NXPE4: variants seen among roughly 807,000 people sequenced by gnomAD.
NXPE4 encodes neurexophilin and PC-esterase domain family member 4, also known as NXPE family member 4.
Under a neutral mutation model 33.3 loss-of-function variants are expected in NXPE4, and 42 were observed. The ratio of observed to expected loss-of-function variants is 1.26; its 90% CI spans 0.98 to 1.63. The LOEUF is 1.63. Ranked by LOEUF, NXPE4 falls within the 40% of genes most tolerant of loss-of-function variation. The pLI, the probability that NXPE4 is intolerant of heterozygous loss-of-function variation, is 0.00. For missense variants in NXPE4, 709 were observed against 647.6 expected (o/e 1.09, Z -1.03); for synonymous variants, 253 against 234.9 (o/e 1.08, Z -0.71).
the NXPE4 span, among the ~76,000 whole-genome samples, chr11:114,664,484 G>A: frequency 1.3e-5 from 2 of 152,080 alleles, no homozygotes; most frequent in South Asian, 2.1e-4. Flanking sequence ...CACGTAAATT[G>A]CACCTCAATA....
At chr11:114,638,182 T>G in the NXPE4 span, among the ~76,000 whole-genome samples, 1 of 151,994 alleles carries the variant, frequency 6.6e-6, no homozygotes, top group Non-Finnish European at 1.5e-5. Flanking sequence ...CTTTTTTCTC[T>G]AAACTTCCCT....
chr11:114,647,706 T>TA, the NXPE4 span, among the ~76,000 whole-genome samples: 2 of 100,878 alleles, frequency 2.0e-5, no homozygotes, highest in Admixed American at 2.1e-4. Flanking sequence ...TTTTATTTTA[T>TA]TTTTTTTTTT....
At chr11:114,600,215 C>T (rs996386308), upstream of NXPE4, among the ~76,000 whole-genome samples, 2 of 152,110 alleles carry the variant, frequency 1.3e-5, no homozygotes. Context: ...AATCAATGAA[C>T]ATCTGCTTAC....
At chr11:114,648,511 T>G in the NXPE4 span, among the ~76,000 whole-genome samples, 1 of 152,168 alleles carries the variant, frequency 6.6e-6, no homozygotes, top group South Asian at 2.1e-4. Context: ...GTCTACTAAT[T>G]TAAACGTTAA....
the NXPE4 span, among the ~76,000 whole-genome samples, chr11:114,651,276 T>C: frequency 1.3e-5 from 2 of 151,916 alleles, no homozygotes; most frequent in Non-Finnish European, 2.9e-5. Flanking sequence ...TTCCTTGCGG[T>C]GGGTTCGTGG....
chr11:114,630,417 TGGGGA>T, the NXPE4 span, among the ~76,000 whole-genome samples: 16 of 151,782 alleles, frequency 1.1e-4, no homozygotes, highest in Admixed American at 1.0e-3. Context: ...AAACAAGCAA[TGGGGA>T]AAGTATTCCC....
the NXPE4 span, among the ~76,000 whole-genome samples, chr11:114,601,531 T>TAC: frequency 1.8e-5 from 2 of 111,444 alleles, no homozygotes; most frequent in Non-Finnish European, 3.4e-5. Context: ...ATTATAATTA[T>TAC]ATATAATATA....
the NXPE4 span, among the ~76,000 whole-genome samples, chr11:114,673,519 C>A: frequency 6.6e-6 from 1 of 151,434 alleles, no homozygotes; most frequent in Non-Finnish European, 1.5e-5. Flanking sequence ...ACAGAAAAAT[C>A]ATTGAAACCA....
the NXPE4 span, among the ~76,000 whole-genome samples, chr11:114,640,055 AATT>A: frequency 3.7e-4 from 44 of 117,948 alleles, no homozygotes; most frequent in African/African-American, 1.4e-3. Flanking sequence ...TATAATATAT[AATT>A]TATTTAAAAT....
At chr11:114,637,702 G>T in the NXPE4 span, among the ~76,000 whole-genome samples, 1,969 of 150,872 alleles carry the variant, frequency 0.013, 26 homozygotes, top group Non-Finnish European at 0.02. Flanking sequence ...GTAAAGTATT[G>T]TATTTCTCCT....
At chr11:114,640,329 T>C in the NXPE4 span, among the ~76,000 whole-genome samples, 1 of 147,810 alleles carries the variant, frequency 6.8e-6, no homozygotes, top group African/African-American at 2.5e-5. Context: ...TATATGTTTA[T>C]ATTGTATCCA....
chr11:114,634,358 T>G, the NXPE4 span, among the ~76,000 whole-genome samples: 1 of 152,118 alleles, frequency 6.6e-6, no homozygotes, highest in Admixed American at 6.6e-5. Flanking sequence ...AGATTCTGGA[T>G]ATTAGCCCTT....
At chr11:114,633,400 T>C in the NXPE4 span, among the ~76,000 whole-genome samples, 3 of 145,188 alleles carry the variant, frequency 2.1e-5, no homozygotes, top group East Asian at 2.0e-4. Context: ...ATATTATATA[T>C]TATATTTTAT....
At chr11:114,662,733 C>T in the NXPE4 span, among the ~76,000 whole-genome samples, 1 of 152,066 alleles carries the variant, frequency 6.6e-6, no homozygotes, top group African/African-American at 2.4e-5. Context: ...GGGTATGGGT[C>T]AGAGTTGTGA....
chr11:114,571,191 A>C lies in NXPE4; in HGVS notation c.1382T>G (p.Leu461Arg). The change falls in exon 6 of 6, where the codon CTT becomes CGT. Residue 461 changes from leucine to arginine, a missense_variant. Transcript: ENST00000375478. The part of the protein sequence containing the change: ...ALNVHKAIQH[L>R]LLRSPDTMVI... ...CATAGTGTCTGGGCTTCTCAGAAGA[A>C]GATGCTGAATGGCTTTGTGGACATT... 6.2e-7 allele frequency: 1 copy of C among 1,614,042 alleles called. No individual in the cohort carries two copies. Among genetic ancestry groups the C allele is most frequent in the East Asian group, 2.2e-5 (1 of 44,880 alleles).
chr11:114,620,228 T>A, the NXPE4 span, among the ~76,000 whole-genome samples: 3 of 152,086 alleles, frequency 2.0e-5, no homozygotes, highest in African/African-American at 7.2e-5. Context: ...GTAACCACTG[T>A]TATCCGTTGG....
the NXPE4 span, among the ~76,000 whole-genome samples, chr11:114,607,156 C>G: frequency 6.6e-6 from 1 of 151,702 alleles, no homozygotes; most frequent in South Asian, 2.1e-4. Context: ...ACCAGTATTA[C>G]CCACTGGATA....
At chr11:114,621,169 T>C in the NXPE4 span, among the ~76,000 whole-genome samples, 159 of 147,038 alleles carry the variant, frequency 1.1e-3, no homozygotes, top group African/African-American at 3.9e-3. Context: ...AGTGGATAAT[T>C]AGTGTTGCCT....
chr11:114,579,747 G>A (rs1044509490), intron 5 of NXPE4, among the ~76,000 whole-genome samples: 3 of 152,198 alleles, frequency 2.0e-5, no homozygotes, highest in Non-Finnish European at 4.4e-5. Context: ...CAGATAGGAG[G>A]TAGAGAAGTC....
Sources: gnomAD v4.1 joint callset for allele counts (sites outside exome capture counted in the v4.1 genomes callset) on GRCh38, gnomAD v4.1.1 for gene constraint, MANE v1.5 for transcripts, NCBI Gene and HGNC (gene_info 2026-07-23, HGNC 2026-07-21) for gene names.